The following XPNPEP1 variants were observed in gnomAD, a reference collection of about 807,000 sequenced individuals.
XPNPEP1 encodes the protein xaa-Pro aminopeptidase 1.
In XPNPEP1, 39 loss-of-function variants were observed where a neutral mutation model predicts 92.4. The ratio of observed to expected loss-of-function variants is 0.42; its 90% CI spans 0.33 to 0.55. The LOEUF is 0.55. Ranked by LOEUF, XPNPEP1 falls within the 20% of genes least tolerant of loss-of-function variation. The probability of loss-of-function intolerance (pLI) is 0.08; values close to 1 mark genes in which losing one functional copy is unlikely to be tolerated. For synonymous variants in XPNPEP1, 307 were observed against 299.4 expected, an observed-to-expected ratio of 1.03 and a Z score of -0.26; for missense variants, 654 against 856.1, an observed-to-expected ratio of 0.76 and a Z score of 2.95.
At chr10:109,879,410 A>C (rs1222527861) in intron 12 of XPNPEP1, among the ~76,000 whole-genome samples, 2 of 151,914 alleles carry the variant, frequency 1.3e-5, no homozygotes, top group East Asian at 3.9e-4. Flanking sequence ...TCTCTACTAC[A>C]ACTACGAAAA....
intron 2 of XPNPEP1, among the ~76,000 whole-genome samples, chr10:109,910,855 C>T (rs892474179): frequency 5.3e-5 from 8 of 152,232 alleles, no homozygotes; most frequent in Admixed American, 2.6e-4. Context: ...TGTAACATAA[C>T]TCTGTAAGTA....
At chr10:109,887,574 G>T (rs527294987) in intron 7 of XPNPEP1, among the ~76,000 whole-genome samples, 1 of 152,236 alleles carries the variant, frequency 6.6e-6, no homozygotes, top group East Asian at 1.9e-4. Flanking sequence ...CAGAGAACAT[G>T]CTGCTTACCC....
chr10:109,900,188 G>A (rs1423654281), intron 3 of XPNPEP1, among the ~76,000 whole-genome samples: 3 of 152,122 alleles, frequency 2.0e-5, no homozygotes, highest in Non-Finnish European at 4.4e-5. Context: ...GTGTATATTT[G>A]TGTTTTGGAA....
Position 109,870,621 on chromosome 10 carries a change from G to A in XPNPEP1, c.1696+110C>T, listed in dbSNP as rs1230579996. 10 of 1,398,086 alleles carry A rather than the reference G, an allele frequency of 7.2e-6. No individual in the cohort carries two copies. In the East Asian group the frequency reaches 1.9e-4, roughly 26 times the overall value. The allele number at this position is 1,398,086 out of a possible 1,614,324, so 86.6% of individuals were successfully genotyped here. ...CTATAATCAGAAAAGTTTGTTGGAAGGGAAAAGTATTGCCAATTTACTTTA... is the reference window on the plus strand; with the variant it reads ...CTATAATCAGAAAAGTTTGTTGGAAAGGAAAAGTATTGCCAATTTACTTTA... On this transcript the variant is annotated intron_variant, in intron 18 of 20. Transcript: ENST00000502935.
chr10:109,899,431 G>T (rs1449142408), intron 3 of XPNPEP1, among the ~76,000 whole-genome samples: 2 of 152,160 alleles, frequency 1.3e-5, no homozygotes, highest in Non-Finnish European at 2.9e-5. Flanking sequence ...TTTCCCTCAA[G>T]GTAGAGGGAA....
At chr10:109,886,559 T>C (rs1848400605) in intron 7 of XPNPEP1, among the ~76,000 whole-genome samples, 1 of 152,186 alleles carries the variant, frequency 6.6e-6, no homozygotes, top group African/African-American at 2.4e-5. Context: ...AATTCATTCA[T>C]TTACGCATCC....
At chr10:109,918,846 A>G (rs1344638956) in intron 1 of XPNPEP1, among the ~76,000 whole-genome samples, 1 of 47,832 alleles carries the variant, frequency 2.1e-5, no homozygotes, top group East Asian at 4.7e-4. Context: ...GAAGGAAGGA[A>G]GGAAGGAAGG....
At chr10:109,871,948 C>T in intron 16 of XPNPEP1, 87 bp from the exon 17 acceptor site, 1 of 1,359,362 alleles carries the variant, frequency 7.4e-7, no homozygotes, top group Non-Finnish European at 1.0e-6. Flanking sequence ...ATCCTGCCTG[C>T]TAAAGTTTTT....
At chr10:109,913,548 C>T (rs1246628249) in intron 2 of XPNPEP1, among the ~76,000 whole-genome samples, 2 of 152,190 alleles carry the variant, frequency 1.3e-5, no homozygotes, top group Non-Finnish European at 2.9e-5. Context: ...CTAATTCTCA[C>T]AACAATCCTC....
At chr10:109,874,806 G>A (rs374300234) in intron 15 of XPNPEP1, among the ~76,000 whole-genome samples, 11 of 152,232 alleles carry the variant, frequency 7.2e-5, no homozygotes, top group African/African-American at 9.6e-5. Context: ...AAAATTAGCC[G>A]GGCGTGGTGG....
At chr10:109,914,566 G>A (rs1319501614) in intron 2 of XPNPEP1, among the ~76,000 whole-genome samples, 1 of 152,178 alleles carries the variant, frequency 6.6e-6, no homozygotes, top group Non-Finnish European at 1.5e-5. Flanking sequence ...GGAGGCCAAG[G>A]CGGGCAGATC....
intron 17 of XPNPEP1, 159 bp from the exon 18 acceptor site, chr10:109,871,063 G>T: frequency 1.3e-6 from 1 of 798,276 alleles, no homozygotes; most frequent in Non-Finnish European, 1.9e-6. Flanking sequence ...AACAATCAGA[G>T]CTCCTGAGAA....
chr10:109,897,693 G>A (rs571336525), intron 3 of XPNPEP1, among the ~76,000 whole-genome samples: 3 of 150,146 alleles, frequency 2.0e-5, no homozygotes, highest in Non-Finnish European at 3.0e-5. Context: ...TTGCTTTGTC[G>A]CCTGGGCTGG....
intron 5 of XPNPEP1, among the ~76,000 whole-genome samples, chr10:109,888,950 G>C (rs1225364540): frequency 6.6e-6 from 1 of 152,180 alleles, no homozygotes; most frequent in Non-Finnish European, 1.5e-5. Flanking sequence ...CCCCACTACT[G>C]GTCACTTGAT....
intron 1 of XPNPEP1, among the ~76,000 whole-genome samples, chr10:109,915,415 G>A (rs922565228): frequency 6.6e-6 from 1 of 152,062 alleles, no homozygotes; most frequent in South Asian, 2.1e-4. Flanking sequence ...TTTCACATCT[G>A]CCCGTTCTTT....
At chr10:109,886,060 C>G (rs763703039) in intron 8 of XPNPEP1, among the ~76,000 whole-genome samples, 186 bp downstream of exon 8, 4 of 152,212 alleles carry the variant, frequency 2.6e-5, no homozygotes, top group Non-Finnish European at 5.9e-5. Flanking sequence ...GCCTCACTCC[C>G]CTCCCCAGCT....
At chr10:109,916,652 G>A (rs774712624) in intron 1 of XPNPEP1, among the ~76,000 whole-genome samples, 21 of 152,240 alleles carry the variant, frequency 1.4e-4, no homozygotes, top group Middle Eastern at 3.4e-3. Flanking sequence ...TGTTCTTAAC[G>A]AGAGTAAACA....
chr10:109,902,915 T>A (rs1396823137), intron 3 of XPNPEP1, among the ~76,000 whole-genome samples: 1 of 152,202 alleles, frequency 6.6e-6, no homozygotes, highest in Non-Finnish European at 1.5e-5. Context: ...CCCTGTGGCT[T>A]AGATGGCCTC....
Position 109,877,832 on chromosome 10 carries a change from G to A in XPNPEP1, c.1277C>T (p.Thr426Ile), listed in dbSNP as rs1847867461. 2.5e-6 allele frequency: 4 copies of A among 1,614,256 alleles called. No individual in the cohort carries two copies. Among genetic ancestry groups the A allele is most frequent in the Non-Finnish European group, 3.4e-6 (4 of 1,180,042 alleles). ...QADFVDLSFP[T>I]ISSTGPNGAI... ...GCCGTTGGGTCCCGTACTGGAAATTGTTGGGAAGCTCAGGTCCACAAAGTC... is the reference window on the plus strand; with the variant it reads ...GCCGTTGGGTCCCGTACTGGAAATTATTGGGAAGCTCAGGTCCACAAAGTC... Residue 426 changes from threonine to isoleucine, a missense_variant, in exon 14 of 21, where the codon ACA becomes ATA. Thr to Ile is a moderately conservative substitution (Grantham distance 89, BLOSUM62 -1). Transcript: ENST00000502935.
Sources: allele counts gnomAD v4.1 joint callset (sites outside exome capture counted in the v4.1 genomes callset), GRCh38; gene constraint gnomAD v4.1.1; transcripts MANE v1.5; gene names NCBI Gene and HGNC (gene_info 2026-07-23, HGNC 2026-07-21).